Variants in GRIN1 observed in about 807,000 individuals in gnomAD.
GRIN1 encodes glutamate receptor ionotropic, NMDA 1.
A neutral mutation model predicts 103.0 loss-of-function variants in GRIN1; 38 were observed. The observed-to-expected ratio is 0.37, with a 90% confidence interval of 0.28 to 0.48. The LOEUF (loss-of-function observed/expected upper bound fraction) is 0.48. Ranked by LOEUF, GRIN1 falls within the 20% of genes least tolerant of loss-of-function variation. The pLI, the probability that GRIN1 is intolerant of heterozygous loss-of-function variation, is 0.98. For synonymous variants in GRIN1, 544 were observed against 532.7 expected (o/e 1.02, Z -0.29); for missense variants, 577 against 1,288.9 (o/e 0.45, Z 8.46).
At position 137,161,333 on chromosome 9, in the gene GRIN1, C is replaced by T; in HGVS notation, c.1384C>T (p.Leu462=). The part of the protein sequence containing the change: ...PQCCYGFCID[L]LIKLARTMNF... ...GTGTTGCTACGGCTTTTGCATCGAC[C>T]TGCTCATCAAGCTGGCACGGACCAT... Residue 462 remains leucine (L), a synonymous_variant, in exon 10 of 20, where the codon CTG becomes TTG. Transcript: ENST00000371561. 6.2e-7 allele frequency: 1 copy of T among 1,612,740 alleles called. No homozygotes were observed. The highest frequency in any genetic ancestry group is 2.2e-5 in the East Asian group (1 of 44,870).
chr9:137,152,598 C>T (rs1564352730), intron 4 of GRIN1, among the ~76,000 whole-genome samples: 1 of 152,158 alleles, frequency 6.6e-6, no homozygotes, highest in Non-Finnish European at 1.5e-5. Flanking sequence ...TTTTCTCGGC[C>T]TGTGAGCCCC....
intron 1 of GRIN1, among the ~76,000 whole-genome samples, chr9:137,141,235 T>C (rs566910339): frequency 6.6e-6 from 1 of 152,256 alleles, no homozygotes; most frequent in Admixed American, 6.5e-5. Flanking sequence ...ACAGGCAGAC[T>C]TGGGGACAGA....
In GRIN1 at chr9:137,146,628, C is replaced by T. The variant is rs112178654; in HGVS notation, c.570+726C>T. Among the ~76,000 whole-genome samples the T allele has an allele frequency of 1.7e-3, 256 of 152,274 alleles. 2 individuals carry two copies. Among genetic ancestry groups the T allele is most frequent in the African/African-American group, 5.8e-3 (243 of 41,552 alleles). On this transcript the variant is annotated intron_variant, in intron 3 of 19. Coordinates refer to ENST00000371561, the MANE Select transcript of GRIN1 (RefSeq NM_007327.4). This position sits in a 1 kb window ranked among gnomAD's most constrained non-coding sequence, Gnocchi z 6.7. ...TGGGGGGGTCCGAGCGACCCCTTTC[C>T]CCTTCCTTACCACTCCCATTTGCAG...
chr9:137,150,732 G>A (rs1280761903), intron 4 of GRIN1, among the ~76,000 whole-genome samples: 1 of 121,480 alleles, frequency 8.2e-6, no homozygotes, highest in Non-Finnish European at 1.7e-5. Flanking sequence ...ATAAAAGCCC[G>A]CCCAGGGAAA....
intron 6 of GRIN1, 21 bp downstream of exon 6, chr9:137,157,058 G>C: frequency 6.3e-7 from 1 of 1,596,060 alleles, no homozygotes; most frequent in Non-Finnish European, 8.5e-7. Context: ...CCTCCCCGGA[G>C]CTGGGCGGGG....
chr9:137,147,584 C>T (rs1276122009), intron 3 of GRIN1, among the ~76,000 whole-genome samples: 2 of 152,262 alleles, frequency 1.3e-5, no homozygotes, highest in African/African-American at 4.8e-5. Context: ...CCCTCCCATG[C>T]TGACACCCAC....
Position 137,139,886 on chromosome 9 carries a change from CTCG to C in GRIN1, c.258+145_258+147del. 1.4e-6 allele frequency: 1 copy of C among 705,110 alleles called. No homozygotes were observed. The highest frequency in any genetic ancestry group is 2.5e-6 in the Non-Finnish European group (1 of 401,928). The allele number at this position is 705,110 out of a possible 1,614,324, so 43.7% of individuals were successfully genotyped here. ...AGTCAGCTGGCTGCTTCCGGGAGGC[CTCG>C]TCTCACTAGGAACCAAACACCAGGG... is the stretch of plus-strand genomic sequence containing the variant. On this transcript the variant is annotated intron_variant, in intron 1 of 19. Coordinates refer to ENST00000371561, the MANE Select transcript of GRIN1 (RefSeq NM_007327.4). This position sits in a 1 kb window ranked among gnomAD's most constrained non-coding sequence, Gnocchi z 7.7.
At chr9:137,163,035 G>T in intron 15 of GRIN1, 32 bp downstream of exon 15, 1 of 1,564,318 alleles carries the variant, frequency 6.4e-7, no homozygotes, top group East Asian at 2.3e-5. Flanking sequence ...TGGCGGGGCG[G>T]GACAGGTGCG....
intron 10 of GRIN1, among the ~76,000 whole-genome samples, chr9:137,161,684 CG>C (rs1435460432): frequency 2.0e-4 from 1 of 5,004 alleles, no homozygotes; most frequent in Non-Finnish European, 3.8e-4. Flanking sequence ...GGCCTGCAGG[CG>C]GGGGTCTGGA....
chr9:137,161,410 G>A lies in GRIN1; in HGVS notation c.1461G>A (p.Gln487=), dbSNP rs1554769757. 6.2e-7 allele frequency: 1 copy of A among 1,611,914 alleles called. No homozygotes were observed. Among genetic ancestry groups the A allele is most frequent in the Non-Finnish European group, 8.5e-7 (1 of 1,179,498 alleles). ...HLVADGKFGT[Q]ERVNNSNKKE... ...TGGCAGATGGCAAGTTCGGCACACA[G>A]GAGCGGGTAGGCTGGACGGCGGGGG... Residue 487 remains glutamine, a synonymous_variant, in exon 10 of 20, where the codon CAG becomes CAA. Coordinates refer to ENST00000371561, the MANE Select transcript of GRIN1 (RefSeq NM_007327.4).
chr9:137,147,249 CCA>C (rs1000266736), intron 3 of GRIN1, among the ~76,000 whole-genome samples: 4 of 151,986 alleles, frequency 2.6e-5, no homozygotes, highest in African/African-American at 9.7e-5. Context: ...AGCTCCAGCG[CCA>C]CACACACACC....
chr9:137,161,493 AGGCGGG>A, intron 10 of GRIN1, 77 bp downstream of exon 10: 1 of 780,688 alleles, frequency 1.3e-6, no homozygotes, highest in Non-Finnish European at 1.8e-6. Flanking sequence ...GGCATGGAGT[AGGCGGG>A]GCTTGCAGAT....
In GRIN1 at chr9:137,161,977, C is replaced by T. The variant is rs1479023588; in HGVS notation, c.1521C>T (p.Ser507=). Residue 507 remains serine, a synonymous_variant, in exon 11 of 20, where the codon AGC becomes AGT. Coordinates refer to ENST00000371561, the MANE Select transcript of GRIN1 (RefSeq NM_007327.4). ...ATGGGATGATGGGCGAGCTGCTCAG[C>T]GGGCAGGCAGACATGATCGTGGCGC... ...EWNGMMGELL[S]GQADMIVAPL... The T allele has an allele frequency of 1.3e-6, 2 of 1,564,448 alleles. No homozygotes were observed. The highest frequency in any genetic ancestry group is 1.2e-5 in the South Asian group (1 of 85,124).
intron 2 of GRIN1, 27 bp downstream of exon 2, chr9:137,142,174 T>A: frequency 1.2e-6 from 2 of 1,612,942 alleles, no homozygotes; most frequent in Non-Finnish European, 1.7e-6. Flanking sequence ...GACCAGGCCT[T>A]CCGGCCCTCG....
chr9:137,167,709 C>A lies in GRIN1; in HGVS notation c.*182C>A. 1 of 1,605,554 alleles carries A rather than the reference C, an allele frequency of 6.2e-7. No individual in the cohort carries two copies. On this transcript the variant is annotated 3_prime_UTR_variant, in exon 20 of 20. Coordinates refer to ENST00000371561, the MANE Select transcript of GRIN1 (RefSeq NM_007327.4). ...GCCGGCTGGCCGGTCCACCCCGTCC[C>A]GGCCCCGCGCGTGCCCCCAGCGTGG...
In GRIN1 at chr9:137,158,490, G is replaced by A; in HGVS notation, c.1080G>A (p.Lys360=). ...GCATCATGAACCTGCAGAACCGCAA[G>A]CTGGTGCAAGTGGGCATCTACAATG... The part of the protein sequence containing the change: ...NYSIMNLQNR[K]LVQVGIYNGT... Residue 360 remains lysine, a synonymous_variant, in exon 7 of 20, where the codon AAG becomes AAA. Transcript: ENST00000371561. 6.2e-7 allele frequency: 1 copy of A among 1,613,416 alleles called. No homozygotes were observed. Among genetic ancestry groups the A allele is most frequent in the Non-Finnish European group, 8.5e-7 (1 of 1,180,014 alleles).
At chr9:137,163,449 C>G in intron 16 of GRIN1, 110 bp from the exon 17 acceptor site, 1 of 1,425,722 alleles carries the variant, frequency 7.0e-7, no homozygotes, top group Non-Finnish European at 9.8e-7. Flanking sequence ...GGGCGCTGCC[C>G]ACTCCACGCC....
rs746854016 is a variant in GRIN1, at chr9:137,161,283, AC to A, written c.1340-3del. On this transcript the variant is annotated splice_polypyrimidine_tract_variant and splice_region_variant and intron_variant, in intron 9 of 19. Coordinates refer to ENST00000371561, the MANE Select transcript of GRIN1 (RefSeq NM_007327.4). ...AGCCCAGCAGTTACCGCCCGCACCT[AC>A]CCAGCCCGCCACACGGTGCCTCAGT... 46 of 1,612,000 alleles carry A rather than the reference AC, an allele frequency of 2.9e-5. No individual in the cohort carries two copies. The South Asian group carries it at 5.1e-4, about 18-fold the overall frequency.
Position 137,146,249 on chromosome 9 carries a change from C to A in GRIN1, c.570+347C>A, listed in dbSNP as rs1832524109. ...CTTGGGACTCGTCACCCTTCCCGCC[C>A]ACCCTGTCCTGAGTCCCCAGCAGCC... is the stretch of plus-strand genomic sequence containing the variant. On this transcript the variant is annotated intron_variant, in intron 3 of 19. Transcript: ENST00000371561. The surrounding 1 kb of genome is among the most constrained non-coding windows in gnomAD (Gnocchi z 6.7). Among the ~76,000 whole-genome samples the A allele has an allele frequency of 6.6e-6, 1 of 152,202 alleles. No individual in the cohort carries two copies. The highest frequency in any genetic ancestry group is 1.5e-5 in the Non-Finnish European group (1 of 67,986).
Sources: gnomAD v4.1 joint callset for allele counts (sites outside exome capture counted in the v4.1 genomes callset) on GRCh38, gnomAD v4.1.1 for gene constraint, Gnocchi (gnomAD v3.1) non-coding constraint, MANE v1.5 for transcripts, NCBI Gene and HGNC (gene_info 2026-07-23, HGNC 2026-07-21) for gene names.